GPHN: variants seen among roughly 807,000 people sequenced by gnomAD.
The protein encoded by GPHN is gephyrin.
GPHN carries 17 observed loss-of-function variants against 95.5 expected under a neutral mutation model. The ratio of observed to expected loss-of-function variants is 0.18; its 90% CI spans 0.12 to 0.27. The LOEUF (loss-of-function observed/expected upper bound fraction) is 0.27. Among genes scored for constraint, GPHN ranks in the 10% least tolerant of loss-of-function variants. The pLI is 1.00. For missense variants in GPHN, 660 were observed against 978.1 expected (o/e 0.67, Z 4.34); for synonymous variants, 320 against 322.5 (o/e 0.99, Z 0.08).
At chr14:67,015,607 G>C (rs1374838958) in intron 9 of GPHN, among the ~76,000 whole-genome samples, 1 of 152,090 alleles carries the variant, frequency 6.6e-6, no homozygotes, top group Non-Finnish European at 1.5e-5. Context: ...TGAGGCAGGA[G>C]AGTTGCTTGA....
At chr14:67,577,965 G>A in the GPHN span, 1 of 1,522,202 alleles carries the variant, frequency 6.6e-7, no homozygotes, top group East Asian at 2.3e-5. Flanking sequence ...CCAAGCCGTT[G>A]AGTTCTCTGA....
rs2060583009 is a variant in GPHN at position 66,807,272 on chromosome 14, A to G, written c.202-17202A>G. ...TACCTCCCACCAGGTCCCTCCCACA[A>G]CATGGGGGAATTCAAGATGAGATTT... is the stretch of plus-strand genomic sequence containing the variant. On this transcript the variant is annotated intron_variant, in intron 3 of 22. Transcript: ENST00000478722. Among the ~76,000 whole-genome samples, 2 of 152,186 alleles carry G rather than the reference A, an allele frequency of 1.3e-5. 1 individual carries two copies. The highest frequency in any genetic ancestry group is 4.1e-4 in the South Asian group (2 of 4,828).
chr14:67,111,313 A>T (rs1035201128), intron 14 of GPHN, among the ~76,000 whole-genome samples: 7 of 152,234 alleles, frequency 4.6e-5, no homozygotes, highest in African/African-American at 1.7e-4. Context: ...AGATGACAAG[A>T]CACAGTTCCA....
chr14:67,579,381 T>A, the GPHN span: 2 of 1,247,316 alleles, frequency 1.6e-6, no homozygotes, highest in Non-Finnish European at 2.2e-6. Context: ...CCCTGGGCCT[T>A]AGGCTCAGGC....
chr14:67,188,629 T>C, the GPHN span, among the ~76,000 whole-genome samples: 1 of 152,114 alleles, frequency 6.6e-6, no homozygotes, highest in South Asian at 2.1e-4. Context: ...CAACATAGAA[T>C]AGGCGAAACA....
At chr14:67,588,931 T>C in the GPHN span, 1 of 152,642 alleles carries the variant, frequency 6.6e-6, no homozygotes, top group Non-Finnish European at 1.5e-5. Flanking sequence ...TGTACTTGAC[T>C]TTGCAAGGCA....
intron 1 of GPHN, among the ~76,000 whole-genome samples, chr14:66,585,260 C>T (rs1303230516): frequency 2.0e-5 from 3 of 152,064 alleles, no homozygotes; most frequent in Non-Finnish European, 4.4e-5. Context: ...TTTGTCACGT[C>T]TATTTGATTC....
chr14:66,803,902 A>G (rs115035556), intron 3 of GPHN, among the ~76,000 whole-genome samples: 1,931 of 151,748 alleles, frequency 0.013, 25 homozygotes, highest in African/African-American at 0.043. Context: ...ATTCTGTACC[A>G]TTTCATCCAT....
At chr14:67,372,442 T>C in the GPHN span, among the ~76,000 whole-genome samples, 2 of 152,190 alleles carry the variant, frequency 1.3e-5, no homozygotes, top group Non-Finnish European at 2.9e-5. Context: ...TAATTGGACC[T>C]TATCAAAATT....
chr14:66,547,248 A>G (rs1393730723), intron 1 of GPHN, among the ~76,000 whole-genome samples: 1 of 152,156 alleles, frequency 6.6e-6, no homozygotes, highest in Non-Finnish European at 1.5e-5. Flanking sequence ...AGTAGGTCTC[A>G]TATTTTTCAC....
At chr14:67,207,296 G>T in the GPHN span, among the ~76,000 whole-genome samples, 1 of 152,094 alleles carries the variant, frequency 6.6e-6, no homozygotes, top group African/African-American at 2.4e-5. Flanking sequence ...CAATCGTGTG[G>T]AAGAGAAGGG....
the GPHN span, among the ~76,000 whole-genome samples, chr14:67,277,043 G>A: frequency 0.012 from 1,832 of 152,184 alleles, 19 homozygotes; most frequent in Non-Finnish European, 0.018. Flanking sequence ...ATCCACTCCT[G>A]GATTTTTAAA....
chr14:67,445,288 C>T, the GPHN span, among the ~76,000 whole-genome samples: 2 of 152,098 alleles, frequency 1.3e-5, no homozygotes, highest in East Asian at 1.9e-4. Context: ...GTGTGGGTGT[C>T]CTGGGGACCC....
the GPHN span, among the ~76,000 whole-genome samples, chr14:67,679,029 C>A: frequency 6.6e-6 from 1 of 152,096 alleles, no homozygotes. Flanking sequence ...AACTGGGTAA[C>A]TATAATGAGC....
chr14:67,331,868 G>A, the GPHN span, among the ~76,000 whole-genome samples: 1 of 152,068 alleles, frequency 6.6e-6, no homozygotes, highest in African/African-American at 2.4e-5. Context: ...TTACAGTGGT[G>A]AAGTAGATTC....
At chr14:67,010,642 T>C (rs1005597664) in intron 9 of GPHN, among the ~76,000 whole-genome samples, 14 of 151,138 alleles carry the variant, frequency 9.3e-5, no homozygotes, top group African/African-American at 3.4e-4. Context: ...ACATGGAAAA[T>C]TTTTTAAAAT....
the GPHN span, chr14:67,600,105 G>C: frequency 6.3e-7 from 1 of 1,596,490 alleles, no homozygotes; most frequent in South Asian, 1.1e-5. Flanking sequence ...AGAGCCGAGG[G>C]CAGCTGAGGC....
At chr14:66,512,716 T>C (rs2058086607) in intron 1 of GPHN, among the ~76,000 whole-genome samples, 1 of 151,734 alleles carries the variant, frequency 6.6e-6, no homozygotes, top group Non-Finnish European at 1.5e-5. Context: ...ATTTCAGTTA[T>C]TCATAAATGA....
chr14:66,572,240 C>A (rs1379525360), intron 1 of GPHN, among the ~76,000 whole-genome samples: 1 of 152,126 alleles, frequency 6.6e-6, no homozygotes, highest in Non-Finnish European at 1.5e-5. Context: ...TATTTAAGGT[C>A]TTTGGTCGTT....
Sources: gnomAD v4.1 joint callset for allele counts (sites outside exome capture counted in the v4.1 genomes callset) on GRCh38, gnomAD v4.1.1 for gene constraint, MANE v1.5 for transcripts, NCBI Gene and HGNC (gene_info 2026-07-23, HGNC 2026-07-21) for gene names.